The following RSRC1 variants were observed in gnomAD, a reference collection of about 807,000 sequenced individuals.
RSRC1 encodes arginine and serine rich coiled-coil 1.
Under a neutral mutation model 49.1 loss-of-function variants are expected in RSRC1, and 39 were observed. The observed-to-expected ratio is 0.79, with a 90% CI of 0.61 to 1.04. The LOEUF is 1.04. Ranked by LOEUF, RSRC1 falls within the 50% of genes least tolerant of loss-of-function variation. The probability of loss-of-function intolerance (pLI) is 0.00; values close to 1 mark genes in which losing one functional copy is unlikely to be tolerated. For synonymous variants in RSRC1, 143 were observed against 130.8 expected (o/e 1.09, Z -0.63); for missense variants, 388 against 402.4 (o/e 0.96, Z 0.31).
chr3:158,441,823 CA>C (rs1456112688), intron 6 of RSRC1, among the ~76,000 whole-genome samples: 1 of 152,042 alleles, frequency 6.6e-6, no homozygotes, highest in East Asian at 1.9e-4. Flanking sequence ...AACTAAACAA[CA>C]AACTTACAGT....
intron 5 of RSRC1, among the ~76,000 whole-genome samples, chr3:158,321,533 T>C (rs1728760195): frequency 6.6e-6 from 1 of 151,284 alleles, no homozygotes; most frequent in African/African-American, 2.4e-5. Context: ...CATTTTGATA[T>C]GCTTTACCAT....
intron 5 of RSRC1, among the ~76,000 whole-genome samples, chr3:158,341,792 A>C (rs1218530811): frequency 6.6e-6 from 1 of 152,134 alleles, no homozygotes; most frequent in African/African-American, 2.4e-5. Flanking sequence ...ACAGACACTC[A>C]ATGCTAGCCC....
At chr3:158,312,136 G>T (rs916642352) in intron 5 of RSRC1, among the ~76,000 whole-genome samples, 1 of 147,360 alleles carries the variant, frequency 6.8e-6, no homozygotes, top group Non-Finnish European at 1.5e-5. Context: ...CGAGCAGAGA[G>T]CACCTATTAT....
At chr3:158,411,912 C>T (rs1734483411) in intron 6 of RSRC1, among the ~76,000 whole-genome samples, 2 of 152,048 alleles carry the variant, frequency 1.3e-5, no homozygotes, top group African/African-American at 2.4e-5. Context: ...ATAGCTCTTC[C>T]TAACCTACTT....
At chr3:158,373,182 C>A (rs1732172132) in intron 6 of RSRC1, among the ~76,000 whole-genome samples, 1 of 151,712 alleles carries the variant, frequency 6.6e-6, no homozygotes. Flanking sequence ...ATGTCATATG[C>A]AAATAGAGAA....
chr3:158,120,806 A>G (rs1715205995), intron 1 of RSRC1, among the ~76,000 whole-genome samples: 2 of 150,628 alleles, frequency 1.3e-5, no homozygotes, highest in East Asian at 1.9e-4. Context: ...AATATTAAAG[A>G]TGATGTGAGC....
At chr3:158,260,746 G>A (rs1345838194) in intron 4 of RSRC1, among the ~76,000 whole-genome samples, 1 of 152,162 alleles carries the variant, frequency 6.6e-6, no homozygotes, top group East Asian at 1.9e-4. Context: ...CCAACGACTG[G>A]GATGGACAGT....
intron 4 of RSRC1, among the ~76,000 whole-genome samples, chr3:158,267,046 G>A (rs1157198748): frequency 2.0e-5 from 3 of 152,188 alleles, no homozygotes; most frequent in Non-Finnish European, 2.9e-5. Context: ...TTACAGACAT[G>A]AGACAGCATG....
At chr3:158,441,089 A>G (rs1044173153) in intron 6 of RSRC1, among the ~76,000 whole-genome samples, 4 of 152,154 alleles carry the variant, frequency 2.6e-5, no homozygotes, top group African/African-American at 7.2e-5. Flanking sequence ...TAATAATGTT[A>G]TTAAATGGCC....
chr3:158,447,215 A>G (rs1281302800), intron 6 of RSRC1, among the ~76,000 whole-genome samples: 3 of 151,972 alleles, frequency 2.0e-5, no homozygotes, highest in Non-Finnish European at 2.9e-5. Context: ...TAGAGGGTGT[A>G]TATATTATAA....
intron 4 of RSRC1, among the ~76,000 whole-genome samples, chr3:158,254,870 T>C (rs1724442659): frequency 1.3e-5 from 2 of 152,236 alleles, no homozygotes; most frequent in South Asian, 4.1e-4. Context: ...TGTCTTCTTT[T>C]GAGAAGTGTC....
chr3:158,226,663 A>G (rs1270723004), intron 4 of RSRC1, among the ~76,000 whole-genome samples: 1 of 151,820 alleles, frequency 6.6e-6, no homozygotes. Context: ...CCTTTCTTAC[A>G]AATGTTAGGG....
At chr3:158,331,227 G>C (rs1729528573) in intron 5 of RSRC1, among the ~76,000 whole-genome samples, 1 of 152,206 alleles carries the variant, frequency 6.6e-6, no homozygotes, top group African/African-American at 2.4e-5. Flanking sequence ...GCTAGAATTA[G>C]CTGTCATTTA....
At chr3:158,332,975 T>TG (rs1224037697) in intron 5 of RSRC1, among the ~76,000 whole-genome samples, 4 of 150,986 alleles carry the variant, frequency 2.6e-5, no homozygotes, top group East Asian at 3.9e-4. Context: ...TTTTTTGTTT[T>TG]TTTTTTTTTT....
At chr3:158,216,634 TA>T (rs139225758) in intron 4 of RSRC1, among the ~76,000 whole-genome samples, 2,425 of 151,770 alleles carry the variant, frequency 0.016, 87 homozygotes, top group African/African-American at 0.056. Context: ...AAAAATTGTT[TA>T]AAAAAATTTC....
chr3:158,157,163 T>A (rs1717927039), intron 3 of RSRC1, among the ~76,000 whole-genome samples: 1 of 152,216 alleles, frequency 6.6e-6, no homozygotes, highest in South Asian at 2.1e-4. Context: ...GAAGAAATAC[T>A]GGATAAACTG....
chr3:158,386,507 C>T (rs965244730), intron 6 of RSRC1, among the ~76,000 whole-genome samples: 3 of 151,916 alleles, frequency 2.0e-5, no homozygotes, highest in African/African-American at 2.4e-5. Flanking sequence ...ATAGCTAAAC[C>T]ACTGTTAACG....
chr3:158,507,635 G>A (rs1739919449), intron 7 of RSRC1, among the ~76,000 whole-genome samples: 1 of 152,116 alleles, frequency 6.6e-6, no homozygotes, highest in African/African-American at 2.4e-5. Context: ...CCTGTCTTAT[G>A]TATGAAATAA....
At position 158,157,795 on chromosome 3, in the gene RSRC1, A is replaced by G. The variant is rs535341747; in HGVS notation, c.320+33804A>G. On this transcript the variant is annotated intron_variant, in intron 3 of 9. Coordinates refer to ENST00000611884, the MANE Select transcript of RSRC1 (RefSeq NM_001271838.2). ...CCGGGCATGGTGGCACATGCCTGTAATCCCAGCTACTCGGGAGGCTGAGGC... is the reference window on the plus strand; with the variant it reads ...CCGGGCATGGTGGCACATGCCTGTAGTCCCAGCTACTCGGGAGGCTGAGGC... Among the ~76,000 whole-genome samples the G allele has an allele frequency of 6.6e-5, 10 of 152,200 alleles. No homozygotes were observed. In the South Asian group the frequency reaches 1.2e-3, roughly 19 times the overall value.
Sources: gnomAD v4.1 joint callset for allele counts (sites outside exome capture counted in the v4.1 genomes callset) on GRCh38, gnomAD v4.1.1 for gene constraint, MANE v1.5 for transcripts, NCBI Gene and HGNC (gene_info 2026-07-23, HGNC 2026-07-21) for gene names.